FHL5: variants seen among roughly 807,000 people sequenced by gnomAD.
FHL5 encodes four and a half LIM domains protein 5.
FHL5 carries 33 observed loss-of-function variants against 32.0 expected under a neutral mutation model. That is an observed-to-expected ratio of 1.03 (90% CI 0.78 to 1.38). The LOEUF (loss-of-function observed/expected upper bound fraction) is 1.38, where lower values mean the gene tolerates loss of function less well. FHL5 is among the 40% of genes most tolerant of loss of function. The pLI, the probability that FHL5 is intolerant of heterozygous loss-of-function variation, is 0.00. For missense variants in FHL5, 336 were observed against 343.9 expected, an observed-to-expected ratio of 0.98 and a Z score of 0.18; for synonymous variants, 114 against 113.6, an observed-to-expected ratio of 1.00 and a Z score of -0.02.
chr6:96,617,173 C>T lies in FHL5; in HGVS notation c.*1401C>T, dbSNP rs1410949227. Among the ~76,000 whole-genome samples, 2 of 152,168 alleles carry T rather than the reference C, an allele frequency of 1.3e-5. No individual in the cohort carries two copies. The highest frequency in any genetic ancestry group is 1.9e-4 in the East Asian group (1 of 5,196). The stretch of plus-strand genomic sequence containing the variant: ...CACATTACTTGGGACAAATGGAAAG[C>T]AACCTCTGCTCTCCATGATCTGTTT... On this transcript the variant is annotated 3_prime_UTR_variant, in exon 6 of 6. Transcript: ENST00000450218.
At position 96,618,331 on chromosome 6, in the gene FHL5, T is replaced by A. The variant is rs2127977739; in HGVS notation, c.*2559T>A. ...GTTAAAAGCAAATCCCATGTGCCAATAACAACCAGATGGCTTGGAAGTAGC... is the reference window on the plus strand; with the variant it reads ...GTTAAAAGCAAATCCCATGTGCCAAAAACAACCAGATGGCTTGGAAGTAGC... On this transcript the variant is annotated 3_prime_UTR_variant, in exon 6 of 6. Transcript: ENST00000450218. Among the ~76,000 whole-genome samples, 1 of 152,168 alleles carries A rather than the reference T, an allele frequency of 6.6e-6. No homozygotes were observed.
intron 1 of FHL5, among the ~76,000 whole-genome samples, chr6:96,584,810 A>T (rs1770766174): frequency 6.6e-6 from 1 of 152,170 alleles, no homozygotes; most frequent in African/African-American, 2.4e-5. Context: ...GGTCCACCAG[A>T]TATGTGAGGA....
intron 1 of FHL5, among the ~76,000 whole-genome samples, chr6:96,587,922 C>T (rs1770831952): frequency 6.6e-6 from 1 of 152,168 alleles, no homozygotes; most frequent in South Asian, 2.1e-4. Context: ...GTTTTTGTGG[C>T]CATATGACAA....
chr6:96,614,344 T>C (rs75510803), intron 5 of FHL5, among the ~76,000 whole-genome samples: 3,727 of 152,298 alleles, frequency 0.024, 50 homozygotes, highest in Non-Finnish European at 0.03. Flanking sequence ...AAGTAGTACA[T>C]AATTAATTTA....
chr6:96,604,911 G>A lies in FHL5; in HGVS notation c.321G>A (p.Arg107=), dbSNP rs1375836041. ...CCTCCAAGTGCTTCCACTGCAAGAGGACCATCATGCCTGGTAGGGTCTCAA... is the reference window on the plus strand; with the variant it reads ...CCTCCAAGTGCTTCCACTGCAAGAGAACCATCATGCCTGGTAGGGTCTCAA... The part of the protein sequence containing the change: ...ECSSKCFHCK[R]TIMPGSRKME... The change falls in exon 3 of 6, where the codon AGG becomes AGA. Residue 107 remains arginine, a synonymous_variant. Coordinates refer to ENST00000450218, the MANE Select transcript of FHL5 (RefSeq NM_001322466.2). The A allele has an allele frequency of 6.2e-7, 1 of 1,607,956 alleles. No homozygotes were observed. The highest frequency in any genetic ancestry group is 1.7e-5 in the Admixed American group (1 of 59,422).
At position 96,603,730 on chromosome 6, in the gene FHL5, C is replaced by T. The variant is rs368233171; in HGVS notation, c.117C>T (p.Asn39=). 6.2e-7 allele frequency: 1 copy of T among 1,611,180 alleles called. No homozygotes were observed. Among genetic ancestry groups the T allele is most frequent in the Non-Finnish European group, 8.5e-7 (1 of 1,178,986 alleles). The change falls in exon 2 of 6, where the codon AAC becomes AAT. Residue 39 remains asparagine, a synonymous_variant. Transcript: ENST00000450218. ...CVTCYDRVFS[N]YCEECKKPIE... Reference sequence around the variant, plus strand: ...CATGTTATGATCGTGTATTTTCTAACTATTGCGAGGAATGCAAAAAACCAA... The same window carrying T: ...CATGTTATGATCGTGTATTTTCTAATTATTGCGAGGAATGCAAAAAACCAA...
At chr6:96,586,513 A>G (rs1311647991) in intron 1 of FHL5, among the ~76,000 whole-genome samples, 1 of 152,222 alleles carries the variant, frequency 6.6e-6, no homozygotes, top group Non-Finnish European at 1.5e-5. Context: ...CATCAAATTT[A>G]CAGTGAAGCT....
chr6:96,568,203 C>T (rs1269048310), intron 1 of FHL5, among the ~76,000 whole-genome samples: 3 of 151,810 alleles, frequency 2.0e-5, no homozygotes, highest in African/African-American at 7.2e-5. Flanking sequence ...GAATTTTTCT[C>T]AAATACATTT....
At chr6:96,605,512 A>G (rs1483087357) in intron 3 of FHL5, among the ~76,000 whole-genome samples, 2 of 152,232 alleles carry the variant, frequency 1.3e-5, no homozygotes, top group Admixed American at 6.5e-5. Context: ...CTAGAAGGCC[A>G]TAACTGCACA....
chr6:96,591,526 T>A (rs1723335984), intron 1 of FHL5, among the ~76,000 whole-genome samples: 1 of 152,168 alleles, frequency 6.6e-6, no homozygotes, highest in South Asian at 2.1e-4. Context: ...TCTGATGGCC[T>A]GAAAATGCTT....
chr6:96,600,902 G>A (rs1049938374), intron 1 of FHL5, among the ~76,000 whole-genome samples: 1 of 152,142 alleles, frequency 6.6e-6, no homozygotes, highest in Non-Finnish European at 1.5e-5. Flanking sequence ...ATGTTGACCT[G>A]AACCAAATGC....
chr6:96,591,264 A>T (rs1305116024), intron 1 of FHL5, among the ~76,000 whole-genome samples: 6 of 152,058 alleles, frequency 3.9e-5, no homozygotes, highest in African/African-American at 1.4e-4. Context: ...TAGTTGTCAT[A>T]ATTTTTTATT....
At chr6:96,599,432 T>G (rs1325870619) in intron 1 of FHL5, among the ~76,000 whole-genome samples, 3 of 152,086 alleles carry the variant, frequency 2.0e-5, no homozygotes, top group Admixed American at 6.6e-5. Context: ...CGACGTCAGG[T>G]GATCTGCCCA....
At chr6:96,612,303 A>G (rs752948032) in intron 5 of FHL5, among the ~76,000 whole-genome samples, 15 of 152,244 alleles carry the variant, frequency 9.9e-5, no homozygotes, top group Non-Finnish European at 2.2e-4. Context: ...AGAATCTCCC[A>G]AGTAAAATCT....
rs374925232 is a variant in FHL5 at position 96,580,395 on chromosome 6, CA to C, written c.-13+17042del. Among the ~76,000 whole-genome samples, 66 of 152,278 alleles carry C rather than the reference CA, an allele frequency of 4.3e-4. 1 individual carries two copies. In the South Asian group the frequency reaches 0.011, roughly 25 times the overall value. ...TACAATTCAGTTAGAAGGGATACAA[CA>C]AGCTCCATAACATTTATATGAGAAG... On this transcript the variant is annotated intron_variant, in intron 1 of 5. Transcript: ENST00000450218.
intron 5 of FHL5, among the ~76,000 whole-genome samples, chr6:96,612,057 T>C (rs1197263773): frequency 6.6e-6 from 1 of 152,208 alleles, no homozygotes; most frequent in Non-Finnish European, 1.5e-5. Context: ...TCCAATTGCA[T>C]GGGGCATGCC....
intron 1 of FHL5, among the ~76,000 whole-genome samples, chr6:96,584,368 G>A (rs564611777): frequency 2.0e-5 from 3 of 151,956 alleles, no homozygotes; most frequent in African/African-American, 7.2e-5. Context: ...CAACTGAAAC[G>A]CATAATGGAA....
At position 96,615,126 on chromosome 6, in the gene FHL5, A is replaced by T. The variant is rs767649625; in HGVS notation, c.692-483A>T. Among the ~76,000 whole-genome samples, 61 of 152,316 alleles carry T rather than the reference A, an allele frequency of 4.0e-4. 1 individual carries two copies. In the Middle Eastern group the frequency reaches 0.027, roughly 68 times the overall value. The stretch of plus-strand genomic sequence containing the variant: ...AAAATGAGGGGAAAGAAGAAAACTA[A>T]AACTCATTACAACATTGGACATCAA... On this transcript the variant is annotated intron_variant, in intron 5 of 5. Coordinates refer to ENST00000450218, the MANE Select transcript of FHL5 (RefSeq NM_001322466.2).
At chr6:96,605,664 G>A (rs1229202266) in intron 3 of FHL5, among the ~76,000 whole-genome samples, 1 of 152,076 alleles carries the variant, frequency 6.6e-6, no homozygotes, top group Non-Finnish European at 1.5e-5. Context: ...GTTATGCAGA[G>A]CTTGAAAAAG....
Sources: allele counts gnomAD v4.1 joint callset (sites outside exome capture counted in the v4.1 genomes callset), GRCh38; gene constraint gnomAD v4.1.1; transcripts MANE v1.5; gene names NCBI Gene and HGNC (gene_info 2026-07-23, HGNC 2026-07-21).